The following AFF3 variants were observed in gnomAD, a reference collection of about 807,000 sequenced individuals.
The protein encoded by AFF3 is AF4/FMR2 family member 3.
In AFF3, 32 loss-of-function variants were observed where a neutral mutation model predicts 129.7. The observed-to-expected ratio is 0.25, with a 90% confidence interval of 0.19 to 0.33. AFF3 has a LOEUF of 0.33. Among genes scored for constraint, AFF3 ranks in the 10% least tolerant of loss-of-function variants. The pLI is 1.00. For synonymous variants in AFF3, 644 were observed against 635.4 expected (o/e 1.01, Z -0.20); for missense variants, 1,373 against 1,592.0 (o/e 0.86, Z 2.34).
chr2:100,040,992 T>TCTTC (rs775272025), intron 4 of AFF3, among the ~76,000 whole-genome samples: 2 of 152,354 alleles, frequency 1.3e-5, no homozygotes, highest in Middle Eastern at 3.4e-3. Context: ...GGTCTCTGGG[T>TCTTC]CTTCCTGAGC....
At chr2:99,707,441 T>A in intron 11 of AFF3, 13 of 985,412 alleles carry the variant, frequency 1.3e-5, no homozygotes, top group Non-Finnish European at 1.6e-5. Flanking sequence ...TCAGATAATT[T>A]TTTTGCATTT....
intron 2 of AFF3, among the ~76,000 whole-genome samples, chr2:100,120,875 C>T (rs190258103): frequency 1.5e-4 from 23 of 152,184 alleles, no homozygotes; most frequent in Admixed American, 3.9e-4. Context: ...TGGCCTCAAG[C>T]GATCCTCCTG....
chr2:99,957,051 T>C (rs1322973307), intron 7 of AFF3, among the ~76,000 whole-genome samples: 1 of 152,232 alleles, frequency 6.6e-6, no homozygotes, highest in African/African-American at 2.4e-5. Flanking sequence ...GTTATGAAGA[T>C]AACATACATT....
At chr2:99,612,346 A>G (rs757282232) in intron 13 of AFF3, among the ~76,000 whole-genome samples, 1 of 152,226 alleles carries the variant, frequency 6.6e-6, no homozygotes, top group Non-Finnish European at 1.5e-5. Flanking sequence ...TGCCCATTTT[A>G]TCACCTAGTC....
chr2:100,141,617 A>G (rs1692879331), intron 1 of AFF3, among the ~76,000 whole-genome samples: 1 of 152,250 alleles, frequency 6.6e-6, no homozygotes, highest in African/African-American at 2.4e-5. Flanking sequence ...CCCTCTTTGA[A>G]TAAAAGGAAT....
At chr2:99,707,878 C>T (rs941354837) in intron 11 of AFF3, among the ~76,000 whole-genome samples, 7 of 152,064 alleles carry the variant, frequency 4.6e-5, no homozygotes, top group Non-Finnish European at 7.4e-5. Context: ...TCTCCCTTTA[C>T]CCCCTTCTGT....
rs980893427 is a variant in AFF3 at position 99,900,833 on chromosome 2, C to T, written c.874-63309G>A. 4.6e-5 allele frequency among the ~76,000 whole-genome samples: 7 copies of T among 152,312 alleles called. No homozygotes were observed. The East Asian group carries it at 1.2e-3, about 25-fold the overall frequency. ...AGGGGGAAATGCCCATGACGAAAGG[C>T]TGTCTGGCAGGTTTGATGATCTCCG... On this transcript the variant is annotated intron_variant, in intron 7 of 24. Coordinates refer to ENST00000672756, the MANE Select transcript of AFF3 (RefSeq NM_001386135.1).
rs544095126 is a variant in AFF3, at chr2:99,852,627, T to A, written c.874-15103A>T. On this transcript the variant is annotated intron_variant, in intron 7 of 24. Coordinates refer to ENST00000672756, the MANE Select transcript of AFF3 (RefSeq NM_001386135.1). ...CATAGCGAGCAAAACCCGTAGGGCC[T>A]ACCTCTCAGGGAGCTTGCACATTCT... Among the ~76,000 whole-genome samples, 9 of 152,300 alleles carry A rather than the reference T, an allele frequency of 5.9e-5. No homozygotes were observed. In the South Asian group the frequency reaches 8.3e-4, roughly 14 times the overall value.
intron 2 of AFF3, among the ~76,000 whole-genome samples, chr2:100,120,724 G>T (rs1041592269): frequency 1.4e-4 from 22 of 152,086 alleles, no homozygotes; most frequent in South Asian, 2.1e-4. Context: ...GCAGTGATGT[G>T]ATCATAGCTC....
At chr2:99,821,266 C>G (rs1687655829) in intron 8 of AFF3, among the ~76,000 whole-genome samples, 1 of 152,110 alleles carries the variant, frequency 6.6e-6, no homozygotes, top group South Asian at 2.1e-4. Context: ...TTCTGGAACA[C>G]CTCTGGAAGG....
intron 1 of AFF3, among the ~76,000 whole-genome samples, chr2:100,139,323 C>CATTCCATTTAACA: frequency 6.6e-6 from 1 of 152,290 alleles, no homozygotes; most frequent in South Asian, 2.1e-4. Context: ...GTCCCCTGGT[C>CATTCCATTTAACA]TGCTGGCTGA....
chr2:99,814,506 G>A (rs7575570), intron 8 of AFF3, among the ~76,000 whole-genome samples: 92,846 of 151,508 alleles, frequency 0.61, 29,994 homozygotes, highest in South Asian at 0.79. Context: ...TTCATCAAGG[G>A]AGCTACAGCT....
intron 4 of AFF3, among the ~76,000 whole-genome samples, chr2:100,029,725 G>C (rs555891607): frequency 6.6e-6 from 1 of 152,286 alleles, no homozygotes; most frequent in South Asian, 2.1e-4. Flanking sequence ...AAGAGAGATT[G>C]GTTGCACAAC....
intron 18 of AFF3, among the ~76,000 whole-genome samples, chr2:99,573,489 C>T (rs901950248): frequency 2.6e-5 from 4 of 152,198 alleles, no homozygotes; most frequent in African/African-American, 4.8e-5. Context: ...GGTGGGGGAG[C>T]GCCTTCCCAG....
At chr2:100,098,513 C>T (rs3910490) in intron 4 of AFF3, among the ~76,000 whole-genome samples, 4 of 141,896 alleles carry the variant, frequency 2.8e-5, no homozygotes, top group East Asian at 2.0e-4. Flanking sequence ...CAAAGGTCTT[C>T]GTTCAAGTTG....
intron 11 of AFF3, among the ~76,000 whole-genome samples, chr2:99,711,215 G>A (rs1012567544): frequency 3.9e-5 from 6 of 152,072 alleles, no homozygotes; most frequent in Admixed American, 1.3e-4. Context: ...GTGCCAGGCC[G>A]CGTGTGGTGT....
intron 13 of AFF3, among the ~76,000 whole-genome samples, chr2:99,644,769 C>G (rs563797568): frequency 6.6e-6 from 1 of 152,328 alleles, no homozygotes; most frequent in Non-Finnish European, 1.5e-5. Context: ...ACTTCATATG[C>G]TGCACACATA....
intron 17 of AFF3, among the ~76,000 whole-genome samples, chr2:99,579,458 A>C (rs1391974185): frequency 2.6e-5 from 4 of 151,494 alleles, no homozygotes; most frequent in Non-Finnish European, 5.9e-5. Context: ...GGTGGCTCAC[A>C]CCTGTAATCC....
intron 13 of AFF3, among the ~76,000 whole-genome samples, chr2:99,632,585 G>C (rs914378217): frequency 6.6e-6 from 1 of 152,108 alleles, no homozygotes; most frequent in East Asian, 1.9e-4. Context: ...AGAGCGCCAG[G>C]CTTCGTTGGA....
Sources: gnomAD v4.1 joint callset for allele counts (sites outside exome capture counted in the v4.1 genomes callset) on GRCh38, gnomAD v4.1.1 for gene constraint, MANE v1.5 for transcripts, NCBI Gene and HGNC (gene_info 2026-07-23, HGNC 2026-07-21) for gene names.